PTPN4: variants seen among roughly 807,000 people sequenced by gnomAD.
The protein encoded by PTPN4 is protein tyrosine phosphatase non-receptor type 4.
A neutral mutation model predicts 135.5 loss-of-function variants in PTPN4; 49 were observed. The observed-to-expected ratio is 0.36, with a 90% CI of 0.29 to 0.46. The LOEUF is 0.46. Ranked by LOEUF, PTPN4 falls within the 20% of genes least tolerant of loss-of-function variation. PTPN4 has a pLI of 1.00. For synonymous variants in PTPN4, 333 were observed against 369.9 expected (o/e 0.90, Z 1.14); for missense variants, 860 against 1,101.0 (o/e 0.78, Z 3.10).
At chr2:119,938,831 A>G (rs1679022784) in intron 15 of PTPN4, among the ~76,000 whole-genome samples, 1 of 150,610 alleles carries the variant, frequency 6.6e-6, no homozygotes, top group Admixed American at 6.6e-5. Flanking sequence ...TTTTTTTTTT[A>G]GAAAAAGATT....
intron 14 of PTPN4, 73 bp from the exon 15 acceptor site, chr2:119,934,727 A>T (rs996738865): frequency 2.1e-6 from 3 of 1,455,052 alleles, no homozygotes; most frequent in Non-Finnish European, 2.8e-6. Context: ...TTCTGATGTA[A>T]CCATATATTA....
At chr2:119,872,680 C>G (rs984622046) in intron 3 of PTPN4, among the ~76,000 whole-genome samples, 2 of 152,046 alleles carry the variant, frequency 1.3e-5, no homozygotes, top group South Asian at 4.1e-4. Context: ...AGTGATGATA[C>G]TTTCTTGAGG....
chr2:119,784,931 C>T (rs372815242), intron 1 of PTPN4, among the ~76,000 whole-genome samples: 217 of 124,070 alleles, frequency 1.7e-3, no homozygotes, highest in African/African-American at 5.8e-3. Flanking sequence ...TCATCCTTTC[C>T]ATTTTTCTTC....
chr2:119,844,949 C>A (rs1268000740), intron 2 of PTPN4, among the ~76,000 whole-genome samples: 1 of 151,104 alleles, frequency 6.6e-6, no homozygotes, highest in Non-Finnish European at 1.5e-5. Flanking sequence ...CCACTGCACT[C>A]CAGCCTGGGC....
At chr2:119,947,574 CTT>C (rs1179365808) in intron 18 of PTPN4, among the ~76,000 whole-genome samples, 3 of 152,094 alleles carry the variant, frequency 2.0e-5, no homozygotes, top group African/African-American at 7.2e-5. Context: ...CTACAGGAAA[CTT>C]TTAAAATCAT....
At chr2:119,883,976 T>G (rs1420066588) in intron 8 of PTPN4, among the ~76,000 whole-genome samples, 1 of 152,214 alleles carries the variant, frequency 6.6e-6, no homozygotes, top group African/African-American at 2.4e-5. Context: ...CTCAGCTCAC[T>G]GCAAGCTCCG....
intron 3 of PTPN4, among the ~76,000 whole-genome samples, chr2:119,863,237 T>C: frequency 6.6e-6 from 1 of 152,096 alleles, no homozygotes; most frequent in East Asian, 1.9e-4. Context: ...TGATGAATAA[T>C]AGAAATGTTT....
chr2:119,809,990 A>T lies in PTPN4; in HGVS notation c.137A>T (p.Asn46Ile). The change falls in exon 2 of 27, where the codon AAT becomes ATT. Residue 46 changes from asparagine to isoleucine, a missense_variant and splice_region_variant. Physicochemically the swap from Asn to Ile is moderately radical, Grantham distance 149. Coordinates refer to ENST00000263708, the MANE Select transcript of PTPN4 (RefSeq NM_002830.4). ...LDNTVQAFKV[N>I]KHDQGQVLLD... is the part of the protein sequence containing the mutation. Reference sequence around the variant, plus strand: ...AACACTGTACAAGCTTTCAAAGTCAATGTAAGTATTTTGTGTCTTTTAAAA... The same window carrying T: ...AACACTGTACAAGCTTTCAAAGTCATTGTAAGTATTTTGTGTCTTTTAAAA... 1.9e-6 allele frequency: 3 copies of T among 1,604,558 alleles called. No homozygotes were observed. In the South Asian group the frequency reaches 3.4e-5, roughly 18 times the overall value.
At chr2:119,842,195 T>G (rs908675046) in intron 2 of PTPN4, among the ~76,000 whole-genome samples, 1 of 152,224 alleles carries the variant, frequency 6.6e-6, no homozygotes, top group Admixed American at 6.5e-5. Flanking sequence ...GTTTTGTTTT[T>G]GATGAATTAT....
intron 2 of PTPN4, among the ~76,000 whole-genome samples, chr2:119,857,538 A>T (rs1460893058): frequency 3.3e-5 from 5 of 151,870 alleles, no homozygotes; most frequent in Admixed American, 6.6e-5. Context: ...CATCTCAAAA[A>T]AAATAAAAAA....
At position 119,824,984 on chromosome 2, in the gene PTPN4, G is replaced by C. The variant is rs202179746; in HGVS notation, c.138+14993G>C. ...ATTACAGGTATGAGCTACTGTGCCTGGCCAAATATAAACATTTTTAAGCCA... is the reference window on the plus strand; with the variant it reads ...ATTACAGGTATGAGCTACTGTGCCTCGCCAAATATAAACATTTTTAAGCCA... On this transcript the variant is annotated intron_variant, in intron 2 of 26. Coordinates refer to ENST00000263708, the MANE Select transcript of PTPN4 (RefSeq NM_002830.4). Among the ~76,000 whole-genome samples the C allele has an allele frequency of 1.8e-4, 27 of 152,272 alleles. No individual in the cohort carries two copies. In the East Asian group the frequency reaches 4.4e-3, roughly 25 times the overall value.
intron 5 of PTPN4, among the ~76,000 whole-genome samples, chr2:119,878,878 G>T (rs1305491965): frequency 4.0e-5 from 6 of 151,768 alleles, no homozygotes; most frequent in Non-Finnish European, 7.4e-5. Context: ...CGGATCACGA[G>T]GTCAGGAGAT....
Position 119,895,634 on chromosome 2 carries a change from G to A in PTPN4, c.676-5084G>A, listed in dbSNP as rs542434983. On this transcript the variant is annotated intron_variant, in intron 9 of 26. Coordinates refer to ENST00000263708, the MANE Select transcript of PTPN4 (RefSeq NM_002830.4). ...AGCGAGACTCCATCTCAAAAAAAAA[G>A]AAAAAGGCCGGGTGCAGTGGCTCAC... is the stretch of plus-strand genomic sequence containing the variant. 4.1e-3 allele frequency among the ~76,000 whole-genome samples: 619 copies of A among 151,914 alleles called. 19 individuals carry two copies. The highest frequency in any genetic ancestry group is 0.036 in the Admixed American group (549 of 15,266).
At position 119,963,450 on chromosome 2, in the gene PTPN4, G is replaced by A. The variant is rs566321610; in HGVS notation, c.2409+706G>A. On this transcript the variant is annotated intron_variant, in intron 24 of 26. Transcript: ENST00000263708. The stretch of plus-strand genomic sequence containing the variant: ...TGCCACCATCTTTGGTTTTGAAAGG[G>A]ACTAAAAGAATAACTGCTAGAGAAG... Among the ~76,000 whole-genome samples the A allele has an allele frequency of 1.1e-4, 17 of 152,278 alleles. No homozygotes were observed. The East Asian group carries it at 3.1e-3, about 28-fold the overall frequency.
intron 10 of PTPN4, among the ~76,000 whole-genome samples, chr2:119,904,277 T>C (rs1574397211): frequency 6.7e-6 from 1 of 150,276 alleles, no homozygotes; most frequent in South Asian, 2.1e-4. Context: ...AAATAAAAAA[T>C]ACAATAGAAA....
intron 5 of PTPN4, 77 bp from the exon 6 acceptor site, chr2:119,881,709 G>A (rs1282704344): frequency 1.0e-6 from 1 of 954,230 alleles, no homozygotes; most frequent in South Asian, 1.7e-5. Flanking sequence ...ATTTGTTAAT[G>A]TAAGTATACA....
intron 2 of PTPN4, among the ~76,000 whole-genome samples, chr2:119,817,395 C>G (rs191609873): frequency 2.0e-5 from 3 of 151,642 alleles, no homozygotes; most frequent in East Asian, 3.9e-4. Flanking sequence ...CTCTGGCTGC[C>G]CTTAACATAT....
In PTPN4 at chr2:119,962,739, C is replaced by G; in HGVS notation, c.2404C>G (p.Gln802Glu). 1 of 1,576,692 alleles carries G rather than the reference C, an allele frequency of 6.3e-7. No homozygotes were observed. Among genetic ancestry groups the G allele is most frequent in the Non-Finnish European group, 8.7e-7 (1 of 1,155,928 alleles). ...YIFRKMTLFNQEKNESRPLTQ... is the reference protein window; with the variant it reads ...YIFRKMTLFNEEKNESRPLTQ... ...CTTCAGGAAGATGACCCTATTTAAC[C>G]AAGAGGTAAGAAGGCAGGATATCTG... is the stretch of plus-strand genomic sequence containing the variant. Residue 802 changes from glutamine to glutamate, a missense_variant, in exon 24 of 27, where the codon CAA becomes GAA. Physicochemically the swap from Gln to Glu is conservative, Grantham distance 29 (BLOSUM62 2). Around this residue, in one of 2 missense-constraint regions of PTPN4, gnomAD observed 176 missense variants for 294.1 expected, o/e 0.60. Transcript: ENST00000263708.
intron 2 of PTPN4, among the ~76,000 whole-genome samples, chr2:119,860,900 G>T (rs13013546): frequency 0.27 from 41,723 of 151,900 alleles, 7,147 homozygotes; most frequent in East Asian, 0.48. Context: ...AATTAGCTGG[G>T]CGTGGTGGCA....
Sources: allele counts gnomAD v4.1 joint callset (sites outside exome capture counted in the v4.1 genomes callset), GRCh38; gene constraint gnomAD v4.1.1; regional missense constraint gnomAD v4.1.1; transcripts MANE v1.5; gene names NCBI Gene and HGNC (gene_info 2026-07-23, HGNC 2026-07-21).